The following NRXN1 variants were observed in gnomAD, a reference collection of about 807,000 sequenced individuals.
NRXN1 encodes neurexin-1.
NRXN1 carries 39 observed loss-of-function variants against 150.9 expected under a neutral mutation model. The ratio of observed to expected loss-of-function variants is 0.26; its 90% CI spans 0.20 to 0.34. The LOEUF is 0.34. Ranked by LOEUF, NRXN1 falls within the 10% of genes least tolerant of loss-of-function variation. The pLI is 1.00. For missense variants in NRXN1, 1,815 were observed against 1,949.9 expected, an observed-to-expected ratio of 0.93 and a Z score of 1.30; for synonymous variants, 924 against 757.0, an observed-to-expected ratio of 1.22 and a Z score of -3.62.
At chr2:50,746,776 T>A (rs17041003) in intron 5 of NRXN1, among the ~76,000 whole-genome samples, 11,341 of 152,100 alleles carry the variant, frequency 0.075, 541 homozygotes, top group South Asian at 0.14. Flanking sequence ...TAGGATGCAT[T>A]TCAAGGGCGG....
At chr2:50,770,581 G>A (rs935243411) in intron 5 of NRXN1, among the ~76,000 whole-genome samples, 1 of 151,860 alleles carries the variant, frequency 6.6e-6, no homozygotes, top group African/African-American at 2.4e-5. Context: ...ATAATTTGCT[G>A]GAGCATAAAA....
At chr2:50,784,897 T>G (rs995748967) in intron 5 of NRXN1, among the ~76,000 whole-genome samples, 1 of 152,100 alleles carries the variant, frequency 6.6e-6, no homozygotes, top group Admixed American at 6.6e-5. Flanking sequence ...GGGATATCCA[T>G]GTGAGGGTTA....
intron 17 of NRXN1, among the ~76,000 whole-genome samples, chr2:50,404,175 TTTG>T (rs147734893): frequency 0.24 from 35,907 of 151,434 alleles, 4,755 homozygotes; most frequent in East Asian, 0.35. Flanking sequence ...TTTGTTTTGT[TTTG>T]TTGTTGTTGT....
At chr2:50,990,507 C>G (rs1208876887) in intron 2 of NRXN1, among the ~76,000 whole-genome samples, 1 of 151,920 alleles carries the variant, frequency 6.6e-6, no homozygotes, top group East Asian at 1.9e-4. Flanking sequence ...AGCTTATTCT[C>G]TAGGGAAGAA....
intron 18 of NRXN1, among the ~76,000 whole-genome samples, chr2:50,111,666 C>T (rs1231168677): frequency 6.6e-6 from 1 of 151,934 alleles, no homozygotes; most frequent in East Asian, 1.9e-4. Context: ...AAGTTACTCT[C>T]ATGGGTCTGC....
At chr2:49,932,165 C>T (rs1670242454) in intron 22 of NRXN1, among the ~76,000 whole-genome samples, 1 of 152,134 alleles carries the variant, frequency 6.6e-6, no homozygotes, top group African/African-American at 2.4e-5. Flanking sequence ...CCTGTAATCC[C>T]AGTGCTTTGG....
At chr2:50,373,294 T>TTATTATTATTATTATTATTA (rs1553512407) in intron 17 of NRXN1, among the ~76,000 whole-genome samples, 114 of 140,390 alleles carry the variant, frequency 8.1e-4, no homozygotes, top group Middle Eastern at 3.6e-3. Flanking sequence ...TATTTTATTT[T>TTATTATTATTATTATTATTA]TTATTATTAT....
chr2:49,974,300 T>C (rs1050414480), intron 21 of NRXN1: 1 of 530,234 alleles, frequency 1.9e-6, no homozygotes, highest in Non-Finnish European at 3.6e-6. Flanking sequence ...AGGCTGTTGG[T>C]ACACAGCCCA....
intron 18 of NRXN1, among the ~76,000 whole-genome samples, chr2:50,108,535 G>A (rs537327723): frequency 1.3e-5 from 2 of 152,066 alleles, no homozygotes; most frequent in Admixed American, 1.3e-4. Flanking sequence ...AAAACTCTGA[G>A]ATATTTCAAA....
chr2:50,247,046 T>C (rs2066565309), intron 17 of NRXN1, among the ~76,000 whole-genome samples: 2 of 152,024 alleles, frequency 1.3e-5, no homozygotes, highest in African/African-American at 4.8e-5. Context: ...GAAACAAGCA[T>C]AGGAAAGATT....
intron 19 of NRXN1, among the ~76,000 whole-genome samples, chr2:50,079,844 T>C (rs1697672713): frequency 6.6e-6 from 1 of 152,134 alleles, no homozygotes; most frequent in Non-Finnish European, 1.5e-5. Context: ...AAGGCCTTTA[T>C]TAACTTCTTC....
rs554904002 is a variant in NRXN1 at position 50,972,087 on chromosome 2, C to CAA, written c.773-46134_773-46133dup. Among the ~76,000 whole-genome samples, 277 of 121,886 alleles carry CAA rather than the reference C, an allele frequency of 2.3e-3. 1 individual carries two copies. Among genetic ancestry groups the CAA allele is most frequent in the African/African-American group, 6.2e-3 (225 of 36,480 alleles). The allele number at this position is 121,886 out of a possible 152,430, so 80.0% of individuals were successfully genotyped here. The stretch of plus-strand genomic sequence containing the variant: ...AATCTCTGATAATTTATTTTATTCA[C>CAA]AAAAAAAAAAAATTATTTGCTGTGA... On this transcript the variant is annotated intron_variant, in intron 2 of 22. Transcript: ENST00000401669.
chr2:50,381,426 T>C (rs936313287), intron 17 of NRXN1, among the ~76,000 whole-genome samples: 1 of 151,912 alleles, frequency 6.6e-6, no homozygotes, highest in African/African-American at 2.4e-5. Context: ...GATTTTTTAC[T>C]GGGCTTACGG....
At chr2:50,785,899 T>C (rs551472529) in intron 5 of NRXN1, among the ~76,000 whole-genome samples, 3 of 152,198 alleles carry the variant, frequency 2.0e-5, no homozygotes, top group Non-Finnish European at 4.4e-5. Flanking sequence ...GAATCTATTT[T>C]CATTCCTGAA....
chr2:50,724,644 G>A (rs1190980725), intron 5 of NRXN1, among the ~76,000 whole-genome samples: 3 of 151,902 alleles, frequency 2.0e-5, no homozygotes, highest in African/African-American at 7.3e-5. Flanking sequence ...AACTTGGCTG[G>A]GAGATTATAT....
intron 17 of NRXN1, among the ~76,000 whole-genome samples, chr2:50,309,813 C>G (rs190653180): frequency 1.6e-4 from 25 of 152,226 alleles, no homozygotes; most frequent in Admixed American, 1.2e-3. Context: ...GATCACACTA[C>G]AGAGATGTCC....
chr2:50,056,854 C>T (rs1188829780), intron 19 of NRXN1, among the ~76,000 whole-genome samples: 11 of 152,066 alleles, frequency 7.2e-5, no homozygotes, highest in Admixed American at 3.3e-4. Flanking sequence ...TCTTATTTGT[C>T]ACTCAATACT....
At chr2:50,019,203 G>A (rs771527356) in intron 21 of NRXN1, 32 of 471,176 alleles carry the variant, frequency 6.8e-5, no homozygotes, top group South Asian at 3.6e-4. Flanking sequence ...AGCCCTAGCC[G>A]TCCTTCTAGT....
At chr2:50,684,415 T>C (rs1690923283) in intron 5 of NRXN1, among the ~76,000 whole-genome samples, 2 of 151,932 alleles carry the variant, frequency 1.3e-5, no homozygotes, top group Non-Finnish European at 2.9e-5. Context: ...GGTGGGAAGA[T>C]CTCTTGAGTC....
Sources: gnomAD v4.1 joint callset for allele counts (sites outside exome capture counted in the v4.1 genomes callset) on GRCh38, gnomAD v4.1.1 for gene constraint, MANE v1.5 for transcripts, NCBI Gene and HGNC (gene_info 2026-07-23, HGNC 2026-07-21) for gene names.